The following FBXO3 variants were observed in gnomAD, a reference collection of about 807,000 sequenced individuals.
FBXO3 encodes the protein F-box only protein 3.
FBXO3 carries 17 observed loss-of-function variants against 64.8 expected under a neutral mutation model. That is an observed-to-expected ratio of 0.26 (90% CI 0.18 to 0.39). The LOEUF (loss-of-function observed/expected upper bound fraction) is 0.39, where lower values mean the gene tolerates loss of function less well. Among genes scored for constraint, FBXO3 ranks in the 10% least tolerant of loss-of-function variants. FBXO3 has a pLI of 1.00. For synonymous variants in FBXO3, 182 were observed against 201.6 expected (o/e 0.90, Z 0.82); for missense variants, 420 against 589.9 (o/e 0.71, Z 2.98).
Position 33,755,787 on chromosome 11 carries a change from A to C in FBXO3, c.662T>G (p.Val221Gly). 1 of 1,613,806 alleles carries C rather than the reference A, an allele frequency of 6.2e-7. No homozygotes were observed. Among genetic ancestry groups the C allele is most frequent in the Non-Finnish European group, 8.5e-7 (1 of 1,179,864 alleles). Reference sequence around the variant, plus strand: ...TCTACTTACTGGACATTGGTAGAAAACTTCATTTTTGTTTCGGCCCTCTGC... The same window carrying C: ...TCTACTTACTGGACATTGGTAGAAACCTTCATTTTTGTTTCGGCCCTCTGC... ...EAAEGRNKNE[V>G]FYQCPDQMAR... Residue 221 changes from valine (V) to glycine (G), a missense_variant, in exon 5 of 11, where the codon GTT becomes GGT. By Grantham distance (109) the Val-to-Gly change is moderately radical. Around this residue, in one of 3 missense-constraint regions of FBXO3, gnomAD observed 337 missense variants for 518.4 expected, o/e 0.65. Transcript: ENST00000265651.
At chr11:33,746,791 T>C in intron 10 of FBXO3, 5 of 1,406,400 alleles carry the variant, frequency 3.6e-6, no homozygotes, top group East Asian at 2.6e-5. Context: ...TGACATTAAA[T>C]TGGAAGTTTG....
chr11:33,773,600 G>C (rs1345957160), intron 1 of FBXO3: 1 of 152,272 alleles, frequency 6.6e-6, no homozygotes, highest in Admixed American at 6.5e-5. Flanking sequence ...CTGACAGCTG[G>C]GGGGCGGGCT....
chr11:33,752,466 T>G (rs774582318), intron 6 of FBXO3, among the ~76,000 whole-genome samples: 3 of 152,220 alleles, frequency 2.0e-5, no homozygotes, highest in Non-Finnish European at 2.9e-5. Flanking sequence ...TCTGTCACAC[T>G]GAATGTCAGA....
At chr11:33,744,620 GAAGT>G in intron 10 of FBXO3, 1 of 152,306 alleles carries the variant, frequency 6.6e-6, no homozygotes, top group African/African-American at 2.4e-5. Context: ...ATGTTGATAA[GAAGT>G]AAGTCCAGAA....
rs554995139 is a variant in FBXO3, at chr11:33,749,082, C to G, written c.933-190G>C. Among the ~76,000 whole-genome samples, 27 of 152,304 alleles carry G rather than the reference C, an allele frequency of 1.8e-4. 1 individual carries two copies. In the South Asian group the frequency reaches 5.2e-3, roughly 29 times the overall value. On this transcript the variant is annotated intron_variant, in intron 8 of 10. Coordinates refer to ENST00000265651, the MANE Select transcript of FBXO3 (RefSeq NM_012175.4). ...TACTGGCTTCATTAACTTGATCCCC[C>G]TACAAAAATGCTTTCACTCAACTTA...
At chr11:33,754,102 C>T (rs1229440107) in intron 6 of FBXO3, 1 of 173,870 alleles carries the variant, frequency 5.8e-6, no homozygotes, top group East Asian at 1.5e-4. Context: ...TTTAAAGTTG[C>T]TTTATATATC....
chr11:33,758,926 T>TA (rs55636309), intron 3 of FBXO3, among the ~76,000 whole-genome samples: 17,040 of 148,090 alleles, frequency 0.12, 1,387 homozygotes, highest in African/African-American at 0.23. Flanking sequence ...TTATTTAAAA[T>TA]AAAAAAAAAA....
chr11:33,754,298 A>T (rs879820518), intron 6 of FBXO3, 157 bp downstream of exon 6: 7 of 547,374 alleles, frequency 1.3e-5, no homozygotes, highest in Non-Finnish European at 2.2e-5. Flanking sequence ...TCTAATGAAA[A>T]CCTAGATGCA....
At chr11:33,760,490 C>T (rs1855216610) in intron 3 of FBXO3, among the ~76,000 whole-genome samples, 1 of 151,364 alleles carries the variant, frequency 6.6e-6, no homozygotes, top group African/African-American at 2.4e-5. Context: ...AAAAAAAAAC[C>T]TTAAAAATTA....
intron 3 of FBXO3, among the ~76,000 whole-genome samples, chr11:33,759,285 A>G (rs757173614): frequency 9.9e-5 from 15 of 152,222 alleles, no homozygotes; most frequent in Non-Finnish European, 1.9e-4. Flanking sequence ...TGGGCCAGGC[A>G]TCGGAAGCCA....
At chr11:33,766,151 G>A (rs1855365622) in intron 3 of FBXO3, among the ~76,000 whole-genome samples, 1 of 152,194 alleles carries the variant, frequency 6.6e-6, no homozygotes, top group South Asian at 2.1e-4. Flanking sequence ...CTCATACTCA[G>A]TAAATATTTA....
In FBXO3 at chr11:33,742,014, T is replaced by G. The variant is rs762068901; in HGVS notation, c.1310A>C (p.Asp437Ala). The G allele has an allele frequency of 1.9e-6, 3 of 1,607,632 alleles. No individual in the cohort carries two copies. The highest frequency in any genetic ancestry group is 2.6e-6 in the Non-Finnish European group (3 of 1,174,448). The change falls in exon 11 of 11, where the codon GAT becomes GCT. Residue 437 changes from aspartate to alanine, a missense_variant. Around this residue, in one of 3 missense-constraint regions of FBXO3, gnomAD observed 57 missense variants for 55.4 expected, o/e 1.03. Coordinates refer to ENST00000265651, the MANE Select transcript of FBXO3 (RefSeq NM_012175.4). Reference sequence around the variant, plus strand: ...TGATTCATCCATATCTGCTGAATCATCATCCTCGTCTTCCTCCTCTTCCTC... The same window carrying G: ...TGATTCATCCATATCTGCTGAATCAGCATCCTCGTCTTCCTCCTCTTCCTC... Reference protein sequence around the residue: ...EEEEEEEDEDDDSADMDESDE... With the variant: ...EEEEEEEDEDADSADMDESDE...
chr11:33,746,935 T>G (rs16924726), intron 10 of FBXO3, 195 bp downstream of exon 10: 43,410 of 1,433,984 alleles, frequency 0.03, 1,680 homozygotes, highest in East Asian at 0.16. Context: ...CAGCAGAAAT[T>G]CTCTGGTTAG....
intron 3 of FBXO3, chr11:33,767,697 C>T (rs7126723): frequency 0.29 from 43,346 of 152,050 alleles, 6,561 homozygotes; most frequent in African/African-American, 0.38. Context: ...TGGAGTAATA[C>T]TCAAGAAATA....
intron 2 of FBXO3, 85 bp downstream of exon 2, chr11:33,770,656 G>T: frequency 2.0e-6 from 2 of 990,806 alleles, no homozygotes; most frequent in South Asian, 2.9e-5. Flanking sequence ...AGAGACAAGG[G>T]TTAGAGAGGA....
chr11:33,770,693 A>C (rs1453014806), intron 2 of FBXO3, 48 bp downstream of exon 2: 1 of 1,435,654 alleles, frequency 7.0e-7, no homozygotes, highest in Non-Finnish European at 9.8e-7. Flanking sequence ...GTGTTATGGA[A>C]GAAGCCAAGG....
rs201975557 is a variant in FBXO3, at chr11:33,755,994, C to G, written c.474-19G>C. ...CAATAACCTGAGGAGCATACAGACT[C>G]AAACATGTAATACACGGCAGTGCCA... On this transcript the variant is annotated intron_variant, in intron 4 of 10. Coordinates refer to ENST00000265651, the MANE Select transcript of FBXO3 (RefSeq NM_012175.4). 40 of 1,606,000 alleles carry G rather than the reference C, an allele frequency of 2.5e-5. No individual in the cohort carries two copies. The highest frequency in any genetic ancestry group is 3.1e-5 in the Non-Finnish European group (36 of 1,173,268).
chr11:33,744,995 AAC>A, intron 10 of FBXO3: 1 of 152,320 alleles, frequency 6.6e-6, no homozygotes, highest in East Asian at 1.9e-4. Context: ...AAACATTAAA[AAC>A]AAACAAGATT....
Position 33,754,487 on chromosome 11 carries a change from C to A in FBXO3, c.692G>T (p.Arg231Leu). 6.3e-7 allele frequency: 1 copy of A among 1,578,276 alleles called. No homozygotes were observed. The highest frequency in any genetic ancestry group is 8.6e-7 in the Non-Finnish European group (1 of 1,163,364). The change falls in exon 6 of 11, where the codon CGA (arginine) becomes CTA (leucine). Residue 231 changes from arginine to leucine, a missense_variant. Arg to Leu is a moderately radical substitution (Grantham distance 102). Transcript: ENST00000265651. Reference sequence around the variant, plus strand: ...AAACATGTCAATAGCAGCTGGATTTCGAGCCATTTGGTCCTAGGTGAGAAA... The same window carrying A: ...AAACATGTCAATAGCAGCTGGATTTAGAGCCATTTGGTCCTAGGTGAGAAA... ...VFYQCPDQMA[R>L]NPAAIDMFII...
Sources: gnomAD v4.1 joint callset for allele counts (sites outside exome capture counted in the v4.1 genomes callset) on GRCh38, gnomAD v4.1.1 for gene constraint, gnomAD v4.1.1 regional missense constraint, MANE v1.5 for transcripts, NCBI Gene and HGNC (gene_info 2026-07-23, HGNC 2026-07-21) for gene names.